OTUD7A: variants seen among roughly 807,000 people sequenced by gnomAD.
OTUD7A encodes OTU domain-containing protein 7A.
In OTUD7A, 12 loss-of-function variants were observed where a neutral mutation model predicts 65.7. That is an observed-to-expected ratio of 0.18 (90% CI 0.12 to 0.30). The LOEUF (loss-of-function observed/expected upper bound fraction) is 0.30, where lower values mean the gene tolerates loss of function less well. Ranked by LOEUF, OTUD7A falls within the 10% of genes least tolerant of loss-of-function variation. The probability of loss-of-function intolerance (pLI) is 1.00; values close to 1 mark genes in which losing one functional copy is unlikely to be tolerated. For missense variants in OTUD7A, 1,148 were observed against 1,304.8 expected (o/e 0.88, Z 1.85); for synonymous variants, 641 against 586.3 (o/e 1.09, Z -1.35).
intron 1 of OTUD7A, among the ~76,000 whole-genome samples, chr15:31,782,272 G>A (rs1895560272): frequency 6.6e-6 from 1 of 152,228 alleles, no homozygotes; most frequent in East Asian, 1.9e-4. Context: ...CAGAGGGTGT[G>A]CAGGAGCAGC....
chr15:31,866,276 C>T (rs996498779), intron 1 of OTUD7A, among the ~76,000 whole-genome samples: 2 of 152,202 alleles, frequency 1.3e-5, no homozygotes, highest in Admixed American at 1.3e-4. Flanking sequence ...CAGGCCAGAC[C>T]TTGGCCAGCT....
chr15:31,777,815 A>G (rs1415012101), intron 1 of OTUD7A, among the ~76,000 whole-genome samples: 2 of 152,204 alleles, frequency 1.3e-5, no homozygotes, highest in African/African-American at 4.8e-5. Flanking sequence ...GCTGTGTGCA[A>G]AGAGGCTGAA....
At chr15:31,812,251 A>G (rs1896439032) in intron 1 of OTUD7A, among the ~76,000 whole-genome samples, 1 of 152,146 alleles carries the variant, frequency 6.6e-6, no homozygotes, top group Non-Finnish European at 1.5e-5. Context: ...AGGGAGCCCA[A>G]CCAGGGCTTC....
intron 1 of OTUD7A, among the ~76,000 whole-genome samples, chr15:31,758,116 G>A (rs901126130): frequency 1.3e-5 from 2 of 151,970 alleles, no homozygotes; most frequent in Non-Finnish European, 2.9e-5. Flanking sequence ...ATGGACTGAG[G>A]GACCTTAAAA....
intron 10 of OTUD7A, among the ~76,000 whole-genome samples, chr15:31,496,285 G>A (rs1457056218): frequency 6.6e-6 from 1 of 151,026 alleles, no homozygotes; most frequent in African/African-American, 2.4e-5. Flanking sequence ...GCAGTGGCAC[G>A]ATCTTGGCTC....
chr15:31,817,952 G>A (rs1250467237), intron 1 of OTUD7A, among the ~76,000 whole-genome samples: 1 of 152,212 alleles, frequency 6.6e-6, no homozygotes, highest in Non-Finnish European at 1.5e-5. Flanking sequence ...CCACTCCTGA[G>A]TGGGATTCAT....
chr15:31,769,628 A>C (rs1462929277), intron 1 of OTUD7A, among the ~76,000 whole-genome samples: 5 of 152,264 alleles, frequency 3.3e-5, no homozygotes, highest in Non-Finnish European at 7.3e-5. Context: ...ACTTTTCAGC[A>C]ATAAAAAGGA....
At chr15:31,775,906 T>C (rs1041287251) in intron 1 of OTUD7A, among the ~76,000 whole-genome samples, 1 of 152,222 alleles carries the variant, frequency 6.6e-6, no homozygotes, top group South Asian at 2.1e-4. Flanking sequence ...CCAGCAGCAG[T>C]GCATTCAAAG....
intron 1 of OTUD7A, among the ~76,000 whole-genome samples, chr15:31,692,944 T>C (rs1374801879): frequency 1.3e-5 from 2 of 151,160 alleles, no homozygotes; most frequent in Admixed American, 1.3e-4. Context: ...ACAGACACTT[T>C]TCCTGGCTTT....
At chr15:31,804,899 C>A (rs1896228420) in intron 1 of OTUD7A, among the ~76,000 whole-genome samples, 2 of 152,234 alleles carry the variant, frequency 1.3e-5, no homozygotes, top group Non-Finnish European at 2.9e-5. Context: ...GAACTGTTCA[C>A]AACATGTGCA....
intron 1 of OTUD7A, among the ~76,000 whole-genome samples, chr15:31,838,690 G>A (rs1029440999): frequency 6.8e-6 from 1 of 147,884 alleles, no homozygotes; most frequent in African/African-American, 2.5e-5. Flanking sequence ...GATCTTGAGG[G>A]ACCCCCATTA....
intron 1 of OTUD7A, among the ~76,000 whole-genome samples, chr15:31,844,753 C>T (rs932005048): frequency 1.4e-4 from 21 of 152,232 alleles, no homozygotes; most frequent in Admixed American, 1.4e-3. Context: ...AACCAACACT[C>T]CCAACCTTCC....
At chr15:31,678,820 C>CTTTT (rs1892649756) in intron 1 of OTUD7A, among the ~76,000 whole-genome samples, 2 of 152,236 alleles carry the variant, frequency 1.3e-5, no homozygotes, top group Admixed American at 1.3e-4. Flanking sequence ...CAAGAGTCCC[C>CTTTT]ACTGAGGCAC....
intron 3 of OTUD7A, among the ~76,000 whole-genome samples, chr15:31,649,302 C>G (rs189936709): frequency 6.6e-6 from 1 of 152,336 alleles, no homozygotes; most frequent in Non-Finnish European, 1.5e-5. Flanking sequence ...GGTCAGTGTT[C>G]ACTTGCCTCA....
chr15:31,846,251 G>A (rs956771358), intron 1 of OTUD7A, among the ~76,000 whole-genome samples: 3 of 152,336 alleles, frequency 2.0e-5, no homozygotes, highest in East Asian at 1.9e-4. Context: ...TTTCCTGAGC[G>A]CTTTCCACCA....
chr15:31,718,318 C>T (rs754954169), intron 1 of OTUD7A, among the ~76,000 whole-genome samples: 1 of 152,184 alleles, frequency 6.6e-6, no homozygotes, highest in African/African-American at 2.4e-5. Flanking sequence ...CTGTTTGCAA[C>T]AATTAGCACT....
At chr15:31,746,223 A>C (rs956915687) in intron 1 of OTUD7A, among the ~76,000 whole-genome samples, 1 of 152,254 alleles carries the variant, frequency 6.6e-6, no homozygotes, top group African/African-American at 2.4e-5. Context: ...GTCTACACAC[A>C]CAAAGACTTG....
chr15:31,787,045 AAAC>A (rs1895692626), intron 1 of OTUD7A, among the ~76,000 whole-genome samples: 1 of 152,192 alleles, frequency 6.6e-6, no homozygotes, highest in South Asian at 2.1e-4. Flanking sequence ...TTTTCTCATC[AAAC>A]AACATGGCAT....
intron 4 of OTUD7A, among the ~76,000 whole-genome samples, chr15:31,562,695 G>A (rs980889504): frequency 1.3e-5 from 2 of 152,146 alleles, no homozygotes; most frequent in Admixed American, 1.3e-4. Context: ...TTTAAAACAG[G>A]TGGACAAAAC....
Sources: gnomAD v4.1 joint callset for allele counts (sites outside exome capture counted in the v4.1 genomes callset) on GRCh38, gnomAD v4.1.1 for gene constraint, MANE v1.5 for transcripts, NCBI Gene and HGNC (gene_info 2026-07-23, HGNC 2026-07-21) for gene names.